SLC24A3: variants seen among roughly 807,000 people sequenced by gnomAD.
The protein encoded by SLC24A3 is solute carrier family 24 member 3.
In SLC24A3, 28 loss-of-function variants were observed where a neutral mutation model predicts 75.8. The ratio of observed to expected loss-of-function variants is 0.37; its 90% CI spans 0.27 to 0.51. SLC24A3 has a LOEUF of 0.51. SLC24A3 is among the 20% of genes least tolerant of loss of function. SLC24A3 has a pLI of 0.94. For missense variants in SLC24A3, 663 were observed against 847.8 expected (o/e 0.78, Z 2.71); for synonymous variants, 372 against 334.1 (o/e 1.11, Z -1.24).
At chr20:19,583,655 C>A (rs1010309915) in intron 4 of SLC24A3, among the ~76,000 whole-genome samples, 1 of 152,182 alleles carries the variant, frequency 6.6e-6, no homozygotes, top group African/African-American at 2.4e-5. Context: ...AATACCCCAG[C>A]AGGACAGAAC....
At chr20:19,226,447 A>G (rs1324247320) in intron 1 of SLC24A3, among the ~76,000 whole-genome samples, 2 of 152,100 alleles carry the variant, frequency 1.3e-5, no homozygotes, top group Non-Finnish European at 2.9e-5. Flanking sequence ...GATTTAGGAG[A>G]TGCTTCCTCA....
intron 2 of SLC24A3, among the ~76,000 whole-genome samples, chr20:19,498,154 A>G (rs1446599638): frequency 6.6e-6 from 1 of 151,516 alleles, no homozygotes; most frequent in Non-Finnish European, 1.5e-5. Context: ...GTCTCTCATC[A>G]CCCCCAGATG....
intron 1 of SLC24A3, among the ~76,000 whole-genome samples, chr20:19,241,228 G>A (rs1453456336): frequency 6.6e-6 from 1 of 152,244 alleles, no homozygotes; most frequent in Non-Finnish European, 1.5e-5. Context: ...CCAGAGGTGT[G>A]GGGAGGTGTG....
At chr20:19,251,065 A>G (rs1377376372) in intron 1 of SLC24A3, among the ~76,000 whole-genome samples, 1 of 152,218 alleles carries the variant, frequency 6.6e-6, no homozygotes, top group African/African-American at 2.4e-5. Flanking sequence ...TTCTGGTACC[A>G]TTACAGACAT....
intron 15 of SLC24A3, among the ~76,000 whole-genome samples, chr20:19,711,317 GCA>G (rs2032988715): frequency 7.1e-6 from 1 of 141,208 alleles, no homozygotes; most frequent in South Asian, 2.2e-4. Flanking sequence ...ACATACAAAC[GCA>G]CACACATGCA....
At position 19,685,346 on chromosome 20, in the gene SLC24A3, C is replaced by T. The variant is rs1403928587; in HGVS notation, c.1309C>T (p.Pro437Ser). ...DEDDDEGPYT[P>S]FDTPSGKLET... ...GGATGATGATGAAGGACCGTACACA[C>T]CATTCGACACCCCCTGTAAGAGGTT... The change falls in exon 12 of 17, where the codon CCA (proline) becomes TCA (serine). Residue 437 changes from proline (P) to serine (S), a missense_variant. Coordinates refer to ENST00000328041, the MANE Select transcript of SLC24A3 (RefSeq NM_020689.4). 1.9e-6 allele frequency: 3 copies of T among 1,613,846 alleles called. No individual in the cohort carries two copies. The highest frequency in any genetic ancestry group is 3.3e-5 in the Admixed American group (2 of 59,998).
Position 19,487,862 on chromosome 20 carries a change from G to T in SLC24A3, c.272-27626G>T, listed in dbSNP as rs188566319. ...TTATTCCAAGCCTTCTTAAAATGAG[G>T]CTTCTTTATGATTAGCTGCTGCTTC... On this transcript the variant is annotated intron_variant, in intron 2 of 16. Coordinates refer to ENST00000328041, the MANE Select transcript of SLC24A3 (RefSeq NM_020689.4). Among the ~76,000 whole-genome samples the T allele has an allele frequency of 2.8e-4, 43 of 152,284 alleles. No homozygotes were observed. The East Asian group carries it at 7.7e-3, about 27-fold the overall frequency.
chr20:19,411,534 G>A (rs1442606602), intron 2 of SLC24A3, among the ~76,000 whole-genome samples: 2 of 152,184 alleles, frequency 1.3e-5, no homozygotes, highest in Non-Finnish European at 2.9e-5. Flanking sequence ...GCAGCAAGAA[G>A]GAAGTTGAAT....
intron 3 of SLC24A3, among the ~76,000 whole-genome samples, chr20:19,539,253 C>T (rs775899573): frequency 6.6e-6 from 1 of 152,164 alleles, no homozygotes; most frequent in Non-Finnish European, 1.5e-5. Context: ...CATCAGAATC[C>T]TTGTGTTGCT....
At chr20:19,671,631 G>C (rs1471814683) in intron 8 of SLC24A3, among the ~76,000 whole-genome samples, 3 of 146,442 alleles carry the variant, frequency 2.0e-5, no homozygotes, top group African/African-American at 7.8e-5. Flanking sequence ...CAAAGCCCAG[G>C]GTTGGTTTTT....
chr20:19,602,945 G>C (rs1318602179), intron 6 of SLC24A3, among the ~76,000 whole-genome samples: 1 of 152,204 alleles, frequency 6.6e-6, no homozygotes, highest in Admixed American at 6.5e-5. Flanking sequence ...CCCGCACCGT[G>C]GTTCAGCTGA....
intron 6 of SLC24A3, among the ~76,000 whole-genome samples, chr20:19,598,176 C>G (rs916861911): frequency 8.6e-5 from 13 of 152,030 alleles, no homozygotes; most frequent in Admixed American, 8.5e-4. Context: ...TTATTCTAGG[C>G]CAATCTCCTT....
intron 7 of SLC24A3, among the ~76,000 whole-genome samples, chr20:19,661,295 C>T (rs76615206): frequency 0.016 from 2,396 of 152,260 alleles, 43 homozygotes; most frequent in African/African-American, 0.042. Context: ...GCAACCACAA[C>T]CTTCATCAAT....
chr20:19,693,212 T>TTTA, intron 12 of SLC24A3, 47 bp from the exon 13 acceptor site: 1 of 1,555,756 alleles, frequency 6.4e-7, no homozygotes, highest in African/African-American at 1.5e-5. Context: ...ACTGGGGTTC[T>TTTA]TTGTTATTTT....
chr20:19,636,669 T>G (rs1225778177), intron 6 of SLC24A3, among the ~76,000 whole-genome samples: 1 of 152,078 alleles, frequency 6.6e-6, no homozygotes, highest in African/African-American at 2.4e-5. Flanking sequence ...GCCTTCCTGT[T>G]TGGAGGAATT....
At chr20:19,594,855 G>C (rs879838356) in intron 6 of SLC24A3, among the ~76,000 whole-genome samples, 1 of 152,072 alleles carries the variant, frequency 6.6e-6, no homozygotes, top group Non-Finnish European at 1.5e-5. Flanking sequence ...GTACATGAGA[G>C]AGAAGTTACT....
At position 19,722,291 on chromosome 20, in the gene SLC24A3, C is replaced by A. The variant is rs950579248; in HGVS notation, c.*1151C>A. 6.5e-6 allele frequency: 1 copy of A among 152,760 alleles called. No homozygotes were observed. Among genetic ancestry groups the A allele is most frequent in the Non-Finnish European group, 1.5e-5 (1 of 68,102 alleles). 9.5% of individuals were successfully genotyped at this position (152,760 alleles called of 1,614,324 possible). On this transcript the variant is annotated 3_prime_UTR_variant, in exon 17 of 17. Coordinates refer to ENST00000328041, the MANE Select transcript of SLC24A3 (RefSeq NM_020689.4). ...TGGACCCTGACCACTGGCTCTTGGG[C>A]AAACGTCCTTCCTCACGGGGCGCCT...
At chr20:19,579,764 C>T (rs139877474) in intron 3 of SLC24A3, among the ~76,000 whole-genome samples, 145 of 152,222 alleles carry the variant, frequency 9.5e-4, no homozygotes, top group African/African-American at 3.4e-3. Context: ...AGACAGGAAT[C>T]CATGACATGT....
chr20:19,478,390 G>C (rs548017429), intron 2 of SLC24A3, among the ~76,000 whole-genome samples: 11 of 152,106 alleles, frequency 7.2e-5, no homozygotes, highest in Non-Finnish European at 8.8e-5. Context: ...ATGATCTTTC[G>C]TGCTATGGTT....
Sources: gnomAD v4.1 joint callset for allele counts (sites outside exome capture counted in the v4.1 genomes callset) on GRCh38, gnomAD v4.1.1 for gene constraint, MANE v1.5 for transcripts, NCBI Gene and HGNC (gene_info 2026-07-23, HGNC 2026-07-21) for gene names.